Variants in PAK5 observed in about 807,000 individuals in gnomAD.
PAK5 encodes the protein p21 (RAC1) activated kinase 5, also known as serine/threonine-protein kinase PAK 5.
PAK5 carries 16 observed loss-of-function variants against 65.9 expected under a neutral mutation model. That is an observed-to-expected ratio of 0.24 (90% CI 0.16 to 0.37). The LOEUF (loss-of-function observed/expected upper bound fraction) is 0.37. Among genes scored for constraint, PAK5 ranks in the 10% least tolerant of loss-of-function variants. The pLI, the probability that PAK5 is intolerant of heterozygous loss-of-function variation, is 1.00. For synonymous variants in PAK5, 371 were observed against 354.9 expected, an observed-to-expected ratio of 1.05 and a Z score of -0.51; for missense variants, 785 against 903.9, an observed-to-expected ratio of 0.87 and a Z score of 1.69.
intron 3 of PAK5, among the ~76,000 whole-genome samples, chr20:9,636,947 C>G (rs912559814): frequency 2.0e-4 from 30 of 152,000 alleles, no homozygotes; most frequent in Admixed American, 1.6e-3. Context: ...CTAAAAGAGA[C>G]CTTAGTTTAT....
chr20:9,590,948 A>G (rs1419448899), intron 3 of PAK5, among the ~76,000 whole-genome samples: 2 of 152,194 alleles, frequency 1.3e-5, no homozygotes, highest in East Asian at 3.8e-4. Flanking sequence ...ATAAACAAGA[A>G]TCCATCATTT....
chr20:9,597,625 G>A (rs768282134), intron 3 of PAK5, among the ~76,000 whole-genome samples: 24 of 152,228 alleles, frequency 1.6e-4, no homozygotes, highest in Non-Finnish European at 2.6e-4. Context: ...AGGAGATGGA[G>A]TCTGTTTCCC....
chr20:9,784,064 T>C (rs2048968742), intron 1 of PAK5, among the ~76,000 whole-genome samples: 1 of 152,212 alleles, frequency 6.6e-6, no homozygotes, highest in African/African-American at 2.4e-5. Context: ...AAGTAGCAGA[T>C]GCCAGTGTCC....
intron 1 of PAK5, among the ~76,000 whole-genome samples, chr20:9,789,029 T>G (rs1215571750): frequency 1.3e-5 from 2 of 152,280 alleles, no homozygotes; most frequent in East Asian, 3.9e-4. Flanking sequence ...TGGGAGTCCC[T>G]CCCTCCACTG....
chr20:9,734,093 C>A lies in PAK5; in HGVS notation c.-161-22658G>T, dbSNP rs574498570. On this transcript the variant is annotated intron_variant, in intron 1 of 9. Coordinates refer to ENST00000353224, the MANE Select transcript of PAK5 (RefSeq NM_177990.4). The stretch of plus-strand genomic sequence containing the variant: ...CTTGAGGAAGCTTCTGTTAGATTTC[C>A]TGTGGTAATAGGTGAATTTATCCTG... 4.9e-4 allele frequency among the ~76,000 whole-genome samples: 74 copies of A among 152,250 alleles called. 1 individual carries two copies. The highest frequency in any genetic ancestry group is 3.4e-3 in the Middle Eastern group (1 of 294).
At chr20:9,763,303 C>T (rs573600228) in intron 1 of PAK5, among the ~76,000 whole-genome samples, 49 of 152,052 alleles carry the variant, frequency 3.2e-4, no homozygotes, top group African/African-American at 1.2e-3. Context: ...ATAAGAGGGG[C>T]AGGGTGAGAG....
chr20:9,551,027 T>A (rs2045419647), intron 7 of PAK5, among the ~76,000 whole-genome samples: 1 of 152,074 alleles, frequency 6.6e-6, no homozygotes. Context: ...GATGAGCAAT[T>A]GAAACTCGAC....
At position 9,539,035 on chromosome 20, in the gene PAK5, A is replaced by ATGG. The variant is rs1311429651; in HGVS notation, c.*426_*427insCCA. On this transcript the variant is annotated 3_prime_UTR_variant, in exon 10 of 10. Coordinates refer to ENST00000353224, the MANE Select transcript of PAK5 (RefSeq NM_177990.4). The stretch of plus-strand genomic sequence containing the variant: ...AGAAAAATTACAAATTCGTTGCAAA[A>ATGG]TACATTATACTGCTACCATTAAGAA... 1.3e-5 allele frequency: 3 copies of ATGG among 234,588 alleles called. No individual in the cohort carries two copies. 14.5% of individuals were successfully genotyped at this position (234,588 alleles called of 1,614,324 possible).
chr20:9,809,336 T>A (rs966744114), intron 1 of PAK5, among the ~76,000 whole-genome samples: 5 of 19,538 alleles, frequency 2.6e-4, no homozygotes, highest in Non-Finnish European at 3.8e-4. Flanking sequence ...GCAATCCAAA[T>A]TTTTTTTTTT....
intron 1 of PAK5, among the ~76,000 whole-genome samples, chr20:9,725,065 T>A (rs1455641843): frequency 6.6e-6 from 1 of 152,028 alleles, no homozygotes; most frequent in African/African-American, 2.4e-5. Context: ...AAAAAATTTT[T>A]AAAATAAAAT....
intron 1 of PAK5, among the ~76,000 whole-genome samples, chr20:9,832,447 T>C (rs1307070058): frequency 6.6e-6 from 1 of 152,104 alleles, no homozygotes; most frequent in African/African-American, 2.4e-5. Context: ...TATTTTTTTG[T>C]ATTTTAGTAG....
At chr20:9,569,478 G>A (rs563405228) in intron 4 of PAK5, among the ~76,000 whole-genome samples, 69 of 152,294 alleles carry the variant, frequency 4.5e-4, no homozygotes, top group Non-Finnish European at 8.4e-4. Context: ...CTTGCAAAAG[G>A]GAGCAGAGAA....
intron 1 of PAK5, among the ~76,000 whole-genome samples, chr20:9,748,840 AT>A (rs2123610027): frequency 6.6e-6 from 1 of 152,266 alleles, no homozygotes; most frequent in South Asian, 2.1e-4. Context: ...ATTAATGTGA[AT>A]GAGAAACTTA....
intron 3 of PAK5, among the ~76,000 whole-genome samples, chr20:9,634,076 G>A (rs1006621238): frequency 1.3e-5 from 2 of 152,094 alleles, no homozygotes; most frequent in African/African-American, 2.4e-5. Context: ...ACTCCTTGAT[G>A]GGGAGTAACT....
At chr20:9,603,788 T>C (rs921656435) in intron 3 of PAK5, among the ~76,000 whole-genome samples, 4 of 152,176 alleles carry the variant, frequency 2.6e-5, no homozygotes, top group African/African-American at 9.7e-5. Flanking sequence ...GTATGAGATT[T>C]GCACTATTAT....
intron 1 of PAK5, among the ~76,000 whole-genome samples, chr20:9,724,787 A>G (rs2048257110): frequency 6.6e-6 from 1 of 152,170 alleles, no homozygotes; most frequent in Non-Finnish European, 1.5e-5. Context: ...CCGGCATCAT[A>G]GCACAAAGAT....
intron 1 of PAK5, among the ~76,000 whole-genome samples, chr20:9,777,258 G>C (rs2048896406): frequency 6.6e-6 from 1 of 152,170 alleles, no homozygotes; most frequent in African/African-American, 2.4e-5. Flanking sequence ...TAAGACTGGT[G>C]ATATGGTTTG....
At chr20:9,688,714 A>C (rs1156258595) in intron 2 of PAK5, among the ~76,000 whole-genome samples, 1 of 152,070 alleles carries the variant, frequency 6.6e-6, no homozygotes, top group South Asian at 2.1e-4. Flanking sequence ...GGGGCACTCC[A>C]ACACTTCACC....
At chr20:9,707,073 T>G (rs2048017477) in intron 2 of PAK5, among the ~76,000 whole-genome samples, 1 of 152,188 alleles carries the variant, frequency 6.6e-6, no homozygotes, top group Admixed American at 6.5e-5. Context: ...TGAAACACTA[T>G]ATTCCTATGT....
Sources: allele counts gnomAD v4.1 joint callset (sites outside exome capture counted in the v4.1 genomes callset), GRCh38; gene constraint gnomAD v4.1.1; transcripts MANE v1.5; gene names NCBI Gene and HGNC (gene_info 2026-07-23, HGNC 2026-07-21).